ACAP2: variants seen among roughly 807,000 people sequenced by gnomAD.
ACAP2 encodes the protein arf-GAP with coiled-coil, ANK repeat and PH domain-containing protein 2.
Under a neutral mutation model 115.8 loss-of-function variants are expected in ACAP2, and 39 were observed. The observed-to-expected ratio is 0.34, with a 90% CI of 0.26 to 0.44. The LOEUF is 0.44. Among genes scored for constraint, ACAP2 ranks in the 20% least tolerant of loss-of-function variants. The pLI is 1.00. For missense variants in ACAP2, 662 were observed against 927.6 expected (o/e 0.71, Z 3.72); for synonymous variants, 289 against 315.8 (o/e 0.92, Z 0.90).
At chr3:195,401,936 G>A (rs1712341018) in intron 1 of ACAP2, among the ~76,000 whole-genome samples, 1 of 152,096 alleles carries the variant, frequency 6.6e-6, no homozygotes, top group Non-Finnish European at 1.5e-5. Flanking sequence ...CAGGCTCAGG[G>A]TTTTAAAGAC....
In ACAP2 at chr3:195,279,381, A is replaced by T; in HGVS notation, c.2284T>A (p.Ser762Thr). 6.2e-7 allele frequency: 1 copy of T among 1,606,844 alleles called. No individual in the cohort carries two copies. The highest frequency in any genetic ancestry group is 8.5e-7 in the Non-Finnish European group (1 of 1,178,112). Reference protein sequence around the residue: ...DIFRDFSQMASNNPEKLNRFQ... With the variant: ...DIFRDFSQMATNNPEKLNRFQ... The stretch of plus-strand genomic sequence containing the variant: ...CGATTTAGTTTCTCTGGATTATTGG[A>T]TGCCATTTGGGAAAAATCACGAAAT... The change falls in exon 23 of 23, where the codon TCC becomes ACC. Residue 762 changes from serine to threonine, a missense_variant. Ser to Thr is a moderately conservative substitution (Grantham distance 58). Coordinates refer to ENST00000326793, the MANE Select transcript of ACAP2 (RefSeq NM_012287.6).
intron 4 of ACAP2, among the ~76,000 whole-genome samples, chr3:195,346,012 C>T (rs1235063443): frequency 6.6e-6 from 1 of 152,062 alleles, no homozygotes; most frequent in East Asian, 1.9e-4. Context: ...GTTAGATGAA[C>T]AGGCAGAAAT....
chr3:195,285,481 T>C (rs946807192), intron 22 of ACAP2: 1 of 262,808 alleles, frequency 3.8e-6, no homozygotes, highest in African/African-American at 2.2e-5. Flanking sequence ...ACCATTCCAT[T>C]CATTTCACTG....
rs191003527 is a variant in ACAP2, at chr3:195,435,418, G to A, written c.53+7377C>T. On this transcript the variant is annotated intron_variant, in intron 1 of 22. Coordinates refer to ENST00000326793, the MANE Select transcript of ACAP2 (RefSeq NM_012287.6). Reference sequence around the variant, plus strand: ...CCTGACCTCGTGATCCACCCACCTCGGCCTCCCAAAGTGCTGGGATTACAG... The same window carrying A: ...CCTGACCTCGTGATCCACCCACCTCAGCCTCCCAAAGTGCTGGGATTACAG... Among the ~76,000 whole-genome samples the A allele has an allele frequency of 2.2e-3, 338 of 151,822 alleles. 2 individuals are homozygous for A. The highest frequency in any genetic ancestry group is 6.1e-3 in the African/African-American group (253 of 41,424).
chr3:195,398,121 G>A (rs2108784609), intron 1 of ACAP2, among the ~76,000 whole-genome samples: 1 of 152,154 alleles, frequency 6.6e-6, no homozygotes, highest in African/African-American at 2.4e-5. Flanking sequence ...ATCTAGACTA[G>A]AGGACTACAT....
intron 8 of ACAP2, among the ~76,000 whole-genome samples, chr3:195,332,802 C>T (rs1328360233): frequency 1.3e-5 from 2 of 152,124 alleles, no homozygotes; most frequent in Admixed American, 6.6e-5. Flanking sequence ...AAAAAGATGC[C>T]TTGCTTTCCC....
chr3:195,345,426 CTA>C lies in ACAP2; in HGVS notation c.286-111_286-110del, dbSNP rs1247131599. On this transcript the variant is annotated intron_variant, in intron 4 of 22. Coordinates refer to ENST00000326793, the MANE Select transcript of ACAP2 (RefSeq NM_012287.6). ...ATCAATTCTTCAATTCTAATACCGTCTATATCTCTTCTTGAAGACTACAAAAG... is the reference window on the plus strand; with the variant it reads ...ATCAATTCTTCAATTCTAATACCGTCTATCTCTTCTTGAAGACTACAAAAG... The C allele has an allele frequency of 6.0e-6, 4 of 666,446 alleles. No individual in the cohort carries two copies. In the African/African-American group the frequency reaches 7.3e-5, roughly 12 times the overall value. 41.3% of individuals were successfully genotyped at this position (666,446 alleles called of 1,614,324 possible).
rs1055688331 is a variant in ACAP2, at chr3:195,297,215, T to C, written c.1462A>G (p.Ile488Val). Residue 488 changes from isoleucine (I) to valine (V), a missense_variant, in exon 16 of 23, where the codon ATA becomes GTA. Coordinates refer to ENST00000326793, the MANE Select transcript of ACAP2 (RefSeq NM_012287.6). ...CTTTGTCCTGGTTGGGGTTTCTTTATTCCCATTTTTTCCACATTAGCTTCA... is the reference window on the plus strand; with the variant it reads ...CTTTGTCCTGGTTGGGGTTTCTTTACTCCCATTTTTTCCACATTAGCTTCA... ...VYEANVEKMG[I>V]KKPQPGQRQE... 6.2e-7 allele frequency: 1 copy of C among 1,613,140 alleles called. No individual in the cohort carries two copies. The highest frequency in any genetic ancestry group is 8.5e-7 in the Non-Finnish European group (1 of 1,179,680).
intron 1 of ACAP2, among the ~76,000 whole-genome samples, chr3:195,399,404 G>A (rs747108130): frequency 5.3e-5 from 8 of 152,024 alleles, no homozygotes; most frequent in Non-Finnish European, 1.0e-4. Context: ...GTCTGGTCTC[G>A]AACTCCTGGC....
At chr3:195,429,116 A>G (rs1382898789) in intron 1 of ACAP2, among the ~76,000 whole-genome samples, 1 of 152,148 alleles carries the variant, frequency 6.6e-6, no homozygotes, top group East Asian at 1.9e-4. Context: ...GGCCAGGTGC[A>G]GTGGCTCACA....
intron 21 of ACAP2, among the ~76,000 whole-genome samples, chr3:195,288,749 T>G (rs1471305023): frequency 6.6e-6 from 1 of 151,858 alleles, no homozygotes; most frequent in Non-Finnish European, 1.5e-5. Context: ...TCCCAGCGAC[T>G]AGGGAGGCTG....
At chr3:195,435,430 T>A (rs1056580826) in intron 1 of ACAP2, among the ~76,000 whole-genome samples, 1 of 152,094 alleles carries the variant, frequency 6.6e-6, no homozygotes, top group Non-Finnish European at 1.5e-5. Flanking sequence ...CCTCCCAAAG[T>A]GCTGGGATTA....
intron 9 of ACAP2, among the ~76,000 whole-genome samples, chr3:195,324,349 G>A (rs1472589844): frequency 6.6e-6 from 1 of 152,158 alleles, no homozygotes; most frequent in African/African-American, 2.4e-5. Context: ...ATATACCACA[G>A]AGCATTTGGG....
intron 4 of ACAP2, among the ~76,000 whole-genome samples, chr3:195,364,167 A>G (rs764731582): frequency 6.6e-6 from 1 of 152,234 alleles, no homozygotes; most frequent in Non-Finnish European, 1.5e-5. Context: ...GAGACAATCC[A>G]CAGGAGAAAA....
chr3:195,384,245 A>G (rs1480251810), intron 2 of ACAP2, among the ~76,000 whole-genome samples: 1 of 152,216 alleles, frequency 6.6e-6, no homozygotes, highest in African/African-American at 2.4e-5. Context: ...TAGATAAATA[A>G]ATTATGATAT....
At chr3:195,404,550 C>A (rs938713883) in intron 1 of ACAP2, among the ~76,000 whole-genome samples, 3 of 151,864 alleles carry the variant, frequency 2.0e-5, no homozygotes, top group Non-Finnish European at 2.9e-5. Flanking sequence ...TCCCTGCCTC[C>A]CCTTTCCATT....
intron 16 of ACAP2, among the ~76,000 whole-genome samples, 196 bp from the exon 17 acceptor site, chr3:195,296,088 A>G (rs1328596004): frequency 6.6e-6 from 1 of 152,174 alleles, no homozygotes; most frequent in African/African-American, 2.4e-5. Flanking sequence ...TTCACACTCA[A>G]GTGAAATACA....
intron 4 of ACAP2, among the ~76,000 whole-genome samples, chr3:195,353,965 A>G (rs1345071548): frequency 2.0e-5 from 3 of 151,948 alleles, no homozygotes; most frequent in African/African-American, 4.8e-5. Context: ...TCCATTAGTT[A>G]TTTTTTCTGA....
At chr3:195,341,049 A>G (rs181435918) in intron 6 of ACAP2, among the ~76,000 whole-genome samples, 140 of 152,318 alleles carry the variant, frequency 9.2e-4, no homozygotes, top group African/African-American at 3.2e-3. Flanking sequence ...ATCATTGTGA[A>G]GTAAACAATC....
Sources: allele counts gnomAD v4.1 joint callset (sites outside exome capture counted in the v4.1 genomes callset), GRCh38; gene constraint gnomAD v4.1.1; transcripts MANE v1.5; gene names NCBI Gene and HGNC (gene_info 2026-07-23, HGNC 2026-07-21).